The following HERC2 variants were observed in gnomAD, a reference collection of about 807,000 sequenced individuals.
The protein encoded by HERC2 is HECT and RLD domain containing E3 ubiquitin protein ligase 2.
A neutral mutation model predicts 537.7 loss-of-function variants in HERC2; 102 were observed. That is an observed-to-expected ratio of 0.19 (90% CI 0.16 to 0.22). The LOEUF (loss-of-function observed/expected upper bound fraction) is 0.22, where lower values mean the gene tolerates loss of function less well. Ranked by LOEUF, HERC2 falls within the 10% of genes least tolerant of loss-of-function variation. HERC2 has a pLI of 1.00. For synonymous variants in HERC2, 2,224 were observed against 2,466.2 expected, an observed-to-expected ratio of 0.90 and a Z score of 2.91; for missense variants, 4,236 against 6,198.2, an observed-to-expected ratio of 0.68 and a Z score of 10.63.
chr15:28,214,551 C>T (rs567921984), intron 40 of HERC2, 104 bp downstream of exon 40: 37 of 1,433,688 alleles, frequency 2.6e-5, no homozygotes, highest in East Asian at 9.1e-5. Flanking sequence ...GACGGCACTG[C>T]GCCGCTCTTC....
At chr15:28,274,790 G>A (rs927189868) in intron 6 of HERC2, 115 bp downstream of exon 6, 6 of 782,240 alleles carry the variant, frequency 7.7e-6, no homozygotes, top group Non-Finnish European at 1.3e-5. Context: ...AGGAAACTGA[G>A]GCACAGAGAG....
chr15:28,186,347 A>T (rs1421509473), intron 56 of HERC2, among the ~76,000 whole-genome samples: 1 of 152,072 alleles, frequency 6.6e-6, no homozygotes, highest in African/African-American at 2.4e-5. Flanking sequence ...GATATTAAAC[A>T]TTTTCATTTC....
At chr15:28,170,687 C>A (rs973545633) in intron 65 of HERC2, among the ~76,000 whole-genome samples, 1 of 152,022 alleles carries the variant, frequency 6.6e-6, no homozygotes, top group African/African-American at 2.4e-5. Flanking sequence ...TAAACACTTT[C>A]GTTCTATGAA....
chr15:28,201,036 C>T (rs1052743158), intron 48 of HERC2, among the ~76,000 whole-genome samples: 7 of 147,868 alleles, frequency 4.7e-5, no homozygotes, highest in East Asian at 2.0e-4. Context: ...GCCATCCCTG[C>T]GCCATGTCCA....
intron 4 of HERC2, among the ~76,000 whole-genome samples, chr15:28,291,058 C>A (rs1357666554): frequency 5.3e-5 from 8 of 152,214 alleles, no homozygotes; most frequent in African/African-American, 1.9e-4. Context: ...TCTGGGAAGA[C>A]TGATCCAAAC....
intron 4 of HERC2, among the ~76,000 whole-genome samples, chr15:28,285,838 T>C (rs1278644735): frequency 1.4e-5 from 2 of 144,900 alleles, no homozygotes; most frequent in East Asian, 4.3e-4. Flanking sequence ...TTACCAACAT[T>C]AGTGATGAAA....
Position 28,144,460 on chromosome 15 carries a change from C to T in HERC2, c.11140+213G>A, listed in dbSNP as rs201592426. Reference sequence around the variant, plus strand: ...TGCACCAGCAACAACTCCTTCCACACCAGGTGAGGAGGAGTGTGAGCCTGA... The same window carrying T: ...TGCACCAGCAACAACTCCTTCCACATCAGGTGAGGAGGAGTGTGAGCCTGA... On this transcript the variant is annotated intron_variant, in intron 72 of 92. Coordinates refer to ENST00000261609, the MANE Select transcript of HERC2 (RefSeq NM_004667.6). Among the ~76,000 whole-genome samples the T allele has an allele frequency of 1.6e-4, 24 of 152,354 alleles. No individual in the cohort carries two copies. In the East Asian group the frequency reaches 3.1e-3, roughly 20 times the overall value.
rs187928884 is a variant in HERC2 at position 28,242,229 on chromosome 15, G to A, written c.3578-3457C>T. ...ATGAAAAGCTCTAGAGATGAGTGGC[G>A]GTGATGGCTATTAAACAATGTGAAT... On this transcript the variant is annotated intron_variant, in intron 23 of 92. Transcript: ENST00000261609. 2.1e-3 allele frequency among the ~76,000 whole-genome samples: 314 copies of A among 152,238 alleles called. 1 individual carries two copies. The highest frequency in any genetic ancestry group is 7.1e-3 in the African/African-American group (294 of 41,540).
intron 65 of HERC2, among the ~76,000 whole-genome samples, chr15:28,171,387 A>G (rs1295994496): frequency 6.6e-6 from 1 of 152,228 alleles, no homozygotes; most frequent in Non-Finnish European, 1.5e-5. Flanking sequence ...CTATACGTTA[A>G]GAAGATACTG....
At chr15:28,112,115 C>G in intron 92 of HERC2, 80 bp from the exon 93 acceptor site, 2 of 1,357,298 alleles carry the variant, frequency 1.5e-6, no homozygotes, top group Admixed American at 4.1e-5. Context: ...ACTCTTCGTG[C>G]TCACAAAACC....
chr15:28,132,644 C>T lies in HERC2; in HGVS notation c.12408+9G>A. On this transcript the variant is annotated intron_variant, in intron 80 of 92. Transcript: ENST00000261609. ...CAGCCTCCGGCCTCTGCACACGGCGCCTCCTCACCAGCTTCGGCTTCAGCT... is the reference window on the plus strand; with the variant it reads ...CAGCCTCCGGCCTCTGCACACGGCGTCTCCTCACCAGCTTCGGCTTCAGCT... The T allele has an allele frequency of 6.7e-7, 1 of 1,489,412 alleles. No homozygotes were observed. Among genetic ancestry groups the T allele is most frequent in the Non-Finnish European group, 9.0e-7 (1 of 1,114,438 alleles). The allele number at this position is 1,489,412 out of a possible 1,614,324, so 92.3% of individuals were successfully genotyped here. A position where few individuals can be genotyped will look rare whatever the true frequency, so the allele number is the denominator to read the frequency against.
At chr15:28,320,008 T>C (rs532195182) in intron 2 of HERC2, 52 of 152,252 alleles carry the variant, frequency 3.4e-4, no homozygotes, top group African/African-American at 1.2e-3. Context: ...TCAAAGGAAA[T>C]GTTTAAAGAG....
chr15:28,191,094 T>C, intron 54 of HERC2, 38 bp from the exon 55 acceptor site: 2 of 1,594,580 alleles, frequency 1.3e-6, no homozygotes, highest in Admixed American at 3.3e-5. Context: ...CAAAGGCGTC[T>C]TTATTATAGA....
intron 69 of HERC2, among the ~76,000 whole-genome samples, chr15:28,154,838 C>T (rs746223223): frequency 6.6e-6 from 1 of 152,090 alleles, no homozygotes; most frequent in African/African-American, 2.4e-5. Flanking sequence ...CATATGTACA[C>T]ATGTGCCATG....
chr15:28,303,752 T>C (rs1169338212), intron 2 of HERC2, among the ~76,000 whole-genome samples: 1 of 152,240 alleles, frequency 6.6e-6, no homozygotes, highest in Non-Finnish European at 1.5e-5. Flanking sequence ...GTTTTCGTGG[T>C]AGAGATCTTT....
At position 28,215,776 on chromosome 15, in the gene HERC2, C is replaced by G; in HGVS notation, c.6055G>C (p.Glu2019Gln). 1.2e-6 allele frequency: 2 copies of G among 1,611,428 alleles called. No individual in the cohort carries two copies. The highest frequency in any genetic ancestry group is 2.2e-5 in the South Asian group (2 of 90,954). The change falls in exon 39 of 93, where the codon GAG becomes CAG. Residue 2019 changes from glutamate to glutamine, a missense_variant. Coordinates refer to ENST00000261609, the MANE Select transcript of HERC2 (RefSeq NM_004667.6). ...TSSPNRLVYR[E>Q]QHRSWCTLGF... ...AGCGTGCACCAGCTCCGGTGTTGCTCCCTGTACACCAGCCTGTTTGGAGAA... is the reference window on the plus strand; with the variant it reads ...AGCGTGCACCAGCTCCGGTGTTGCTGCCTGTACACCAGCCTGTTTGGAGAA...
intron 86 of HERC2, among the ~76,000 whole-genome samples, chr15:28,119,346 G>A (rs565201843): frequency 6.7e-6 from 1 of 148,648 alleles, no homozygotes; most frequent in African/African-American, 2.6e-5. Context: ...GTTGCAGTGA[G>A]CCAAGATTGC....
rs181242508 is a variant in HERC2, at chr15:28,150,124, C to G, written c.10900+2553G>C. Among the ~76,000 whole-genome samples the G allele has an allele frequency of 3.5e-4, 53 of 152,104 alleles. No individual in the cohort carries two copies. In the East Asian group the frequency reaches 8.7e-3, roughly 25 times the overall value. ...CCGAAAAACACACACGGCTCCTAACCGAGAACATCACTGAGAATAGCCGCA... is the reference window on the plus strand; with the variant it reads ...CCGAAAAACACACACGGCTCCTAACGGAGAACATCACTGAGAATAGCCGCA... On this transcript the variant is annotated intron_variant, in intron 70 of 92. Coordinates refer to ENST00000261609, the MANE Select transcript of HERC2 (RefSeq NM_004667.6).
At chr15:28,219,844 A>G (rs917801812) in intron 37 of HERC2, among the ~76,000 whole-genome samples, 57 of 152,264 alleles carry the variant, frequency 3.7e-4, no homozygotes, top group African/African-American at 1.3e-3. Flanking sequence ...GTCTTTTAGG[A>G]ACAGCTAAGA....
Sources: gnomAD v4.1 joint callset for allele counts (sites outside exome capture counted in the v4.1 genomes callset) on GRCh38, gnomAD v4.1.1 for gene constraint, MANE v1.5 for transcripts, NCBI Gene and HGNC (gene_info 2026-07-23, HGNC 2026-07-21) for gene names.